Variants in CTNNA3 observed in about 807,000 individuals in gnomAD.
The protein encoded by CTNNA3 is catenin alpha-3.
A neutral mutation model predicts 95.7 loss-of-function variants in CTNNA3; 76 were observed. That is an observed-to-expected ratio of 0.79 (90% CI 0.66 to 0.96). CTNNA3 has a LOEUF of 0.96. Ranked by LOEUF, CTNNA3 falls within the 40% of genes least tolerant of loss-of-function variation. The pLI is 0.00. For missense variants in CTNNA3, 1,191 were observed against 1,089.8 expected, an observed-to-expected ratio of 1.09 and a Z score of -1.31; for synonymous variants, 431 against 374.4, an observed-to-expected ratio of 1.15 and a Z score of -1.74.
chr10:67,421,496 C>A (rs1276714282), intron 5 of CTNNA3, among the ~76,000 whole-genome samples: 1 of 152,150 alleles, frequency 6.6e-6, no homozygotes, highest in African/African-American at 2.4e-5. Flanking sequence ...ACATCAGCTT[C>A]AGAAGACTAC....
chr10:66,988,869 T>TAC (rs780064158), intron 7 of CTNNA3, among the ~76,000 whole-genome samples: 1 of 151,866 alleles, frequency 6.6e-6, no homozygotes, highest in Non-Finnish European at 1.5e-5. Context: ...CTCTCCACCC[T>TAC]ACACACACAC....
At chr10:66,549,284 C>A (rs1243467496) in intron 10 of CTNNA3, among the ~76,000 whole-genome samples, 1 of 152,144 alleles carries the variant, frequency 6.6e-6, no homozygotes, top group African/African-American at 2.4e-5. Flanking sequence ...GCGTGAGCCA[C>A]CACGCCCGGC....
rs1401207716 is a variant in CTNNA3 at position 65,912,684 on chromosome 10, CAATTA to C, written c.*7641_*7645del. 1 of 151,838 alleles carries C rather than the reference CAATTA, an allele frequency of 6.6e-6. No individual in the cohort carries two copies. The highest frequency in any genetic ancestry group is 1.9e-4 in the East Asian group (1 of 5,178). 9.4% of individuals were successfully genotyped at this position (151,838 alleles called of 1,614,324 possible). A position where few individuals can be genotyped will look rare whatever the true frequency, so the allele number is the denominator to read the frequency against. The stretch of plus-strand genomic sequence containing the variant: ...CCAGTGTTACATATGTGAAATAATG[CAATTA>C]AGAGCACAACTAAAAAAAATCATTG... On this transcript the variant is annotated 3_prime_UTR_variant, in exon 18 of 18. Transcript: ENST00000433211.
intron 7 of CTNNA3, among the ~76,000 whole-genome samples, chr10:66,823,653 TAAC>T (rs1433361517): frequency 1.3e-5 from 2 of 152,156 alleles, no homozygotes; most frequent in East Asian, 1.9e-4. Flanking sequence ...GTATTAAAAA[TAAC>T]AATAATAACA....
At chr10:67,580,438 C>T (rs1842345604) in intron 3 of CTNNA3, among the ~76,000 whole-genome samples, 1 of 151,498 alleles carries the variant, frequency 6.6e-6, no homozygotes, top group South Asian at 2.1e-4. Flanking sequence ...GGTACCAGTA[C>T]CATGCTGTTT....
chr10:67,089,244 T>G (rs2131902882), intron 7 of CTNNA3, among the ~76,000 whole-genome samples: 1 of 152,172 alleles, frequency 6.6e-6, no homozygotes, highest in East Asian at 1.9e-4. Context: ...TAAGAAAATA[T>G]AAAAATTAAG....
intron 5 of CTNNA3, among the ~76,000 whole-genome samples, chr10:67,520,753 A>T (rs1186363839): frequency 6.6e-6 from 1 of 152,240 alleles, no homozygotes; most frequent in Admixed American, 6.5e-5. Context: ...TCCATGTAAC[A>T]TCTGTGATAG....
intron 11 of CTNNA3, among the ~76,000 whole-genome samples, chr10:66,404,356 C>T (rs2093041285): frequency 6.6e-6 from 1 of 152,118 alleles, no homozygotes; most frequent in Non-Finnish European, 1.5e-5. Context: ...CAATTAAACT[C>T]GTTCACTACT....
intron 7 of CTNNA3, among the ~76,000 whole-genome samples, chr10:66,915,034 C>T (rs1846415988): frequency 6.6e-6 from 1 of 151,782 alleles, no homozygotes; most frequent in East Asian, 1.9e-4. Context: ...ACCAAAGGAT[C>T]AATCCAGGAA....
chr10:67,212,313 T>C (rs1457659920), intron 6 of CTNNA3, among the ~76,000 whole-genome samples: 1 of 152,000 alleles, frequency 6.6e-6, no homozygotes, highest in African/African-American at 2.4e-5. Context: ...CAATATTGCA[T>C]AAATCATTCT....
At chr10:66,143,950 A>G (rs186568952) in intron 13 of CTNNA3, among the ~76,000 whole-genome samples, 61 of 152,350 alleles carry the variant, frequency 4.0e-4, no homozygotes, top group Middle Eastern at 3.4e-3. Flanking sequence ...TAATAACTCA[A>G]TTATAAGTTT....
intron 7 of CTNNA3, among the ~76,000 whole-genome samples, chr10:67,068,370 T>C (rs1856221514): frequency 6.6e-6 from 1 of 152,172 alleles, no homozygotes; most frequent in South Asian, 2.1e-4. Flanking sequence ...AGGTAGGAAT[T>C]CAGTCTTGCA....
Position 66,010,427 on chromosome 10 carries a change from A to T in CTNNA3, c.2160-21630T>A, listed in dbSNP as rs74143649. On this transcript the variant is annotated intron_variant, in intron 15 of 17. Transcript: ENST00000433211. ...GCTTTTTAGACCAACAAAAAACAAA[A>T]GGAGAAAGAGGAATTCAAATTGAAA... is the stretch of plus-strand genomic sequence containing the variant. Among the ~76,000 whole-genome samples, 331 of 152,364 alleles carry T rather than the reference A, an allele frequency of 2.2e-3. 2 individuals carry two copies. The highest frequency in any genetic ancestry group is 7.5e-3 in the African/African-American group (312 of 41,594).
At chr10:66,103,977 T>C (rs897278605) in intron 13 of CTNNA3, among the ~76,000 whole-genome samples, 1 of 152,212 alleles carries the variant, frequency 6.6e-6, no homozygotes, top group East Asian at 1.9e-4. Context: ...CTACCCACTA[T>C]GTGGTTACTG....
In CTNNA3 at chr10:67,142,340, A is replaced by T. The variant is rs531906952; in HGVS notation, c.1047+37977T>A. On this transcript the variant is annotated intron_variant, in intron 7 of 17. Transcript: ENST00000433211. Reference sequence around the variant, plus strand: ...TCCCTGGGTTTCCTTCCAAAAAAAAAATTTTTTTAATGTGTATTAGTACAT... The same window carrying T: ...TCCCTGGGTTTCCTTCCAAAAAAAATATTTTTTTAATGTGTATTAGTACAT... Among the ~76,000 whole-genome samples the T allele has an allele frequency of 2.2e-4, 34 of 152,174 alleles. 1 individual carries two copies. The highest frequency in any genetic ancestry group is 1.4e-3 in the Admixed American group (21 of 15,288).
intron 11 of CTNNA3, among the ~76,000 whole-genome samples, chr10:66,405,982 T>A (rs2132577122): frequency 6.6e-6 from 1 of 152,280 alleles, no homozygotes. Context: ...TATATATACA[T>A]TTTAACTCTT....
At chr10:67,578,875 A>G (rs1301486205) in intron 3 of CTNNA3, among the ~76,000 whole-genome samples, 2 of 151,542 alleles carry the variant, frequency 1.3e-5, no homozygotes, top group Non-Finnish European at 1.5e-5. Flanking sequence ...CTTTTTCTGC[A>G]TCTATGGAGA....
Position 67,560,707 on chromosome 10 carries a change from T to A in CTNNA3, c.293-21038A>T, listed in dbSNP as rs28859304. ...TACAGACTGGCAAATTGGATAAAGATTCAAGACCCATCAGTGTGCTGTATT... is the reference window on the plus strand; with the variant it reads ...TACAGACTGGCAAATTGGATAAAGAATCAAGACCCATCAGTGTGCTGTATT... On this transcript the variant is annotated intron_variant, in intron 3 of 17. Coordinates refer to ENST00000433211, the MANE Select transcript of CTNNA3 (RefSeq NM_013266.4). Among the ~76,000 whole-genome samples the A allele has an allele frequency of 2.7e-4, 41 of 152,004 alleles. 2 individuals carry two copies. The South Asian group carries it at 4.4e-3, about 16-fold the overall frequency.
At chr10:67,375,681 G>T (rs1843661402) in intron 5 of CTNNA3, among the ~76,000 whole-genome samples, 1 of 152,116 alleles carries the variant, frequency 6.6e-6, no homozygotes, top group South Asian at 2.1e-4. Flanking sequence ...TAGTGCCAAG[G>T]TTAAGAAACC....
Sources: gnomAD v4.1 joint callset for allele counts (sites outside exome capture counted in the v4.1 genomes callset) on GRCh38, gnomAD v4.1.1 for gene constraint, MANE v1.5 for transcripts, NCBI Gene and HGNC (gene_info 2026-07-23, HGNC 2026-07-21) for gene names.